The following VAV2 variants were observed in gnomAD, a reference collection of about 807,000 sequenced individuals.
VAV2 encodes vav guanine nucleotide exchange factor 2.
A neutral mutation model predicts 132.5 loss-of-function variants in VAV2; 67 were observed. The observed-to-expected ratio is 0.51, with a 90% confidence interval of 0.42 to 0.62. VAV2 has a LOEUF of 0.62. Among genes scored for constraint, VAV2 ranks in the 20% least tolerant of loss-of-function variants. The pLI is 0.00. For synonymous variants in VAV2, 492 were observed against 443.5 expected (o/e 1.11, Z -1.37); for missense variants, 938 against 1,153.6 (o/e 0.81, Z 2.71).
chr9:133,908,858 G>A (rs1839773491), intron 2 of VAV2, among the ~76,000 whole-genome samples: 2 of 152,204 alleles, frequency 1.3e-5, no homozygotes, highest in Admixed American at 6.5e-5. Flanking sequence ...TTCTGAAAAT[G>A]TGTGGGGACC....
rs79867740 is a variant in VAV2, at chr9:133,896,733, C to T, written c.322-35301G>A. 2.7e-4 allele frequency among the ~76,000 whole-genome samples: 41 copies of T among 152,146 alleles called. No homozygotes were observed. In the East Asian group the frequency reaches 3.1e-3, roughly 11 times the overall value. On this transcript the variant is annotated intron_variant, in intron 2 of 29. Transcript: ENST00000371850. ...CCAGCTGTGTCTAGAATTGTGTTTA[C>T]GAAGAAAAGTTGATATTAATATAAA...
intron 4 of VAV2, among the ~76,000 whole-genome samples, chr9:133,816,160 G>T (rs1835552261): frequency 6.6e-6 from 1 of 152,150 alleles, no homozygotes; most frequent in Non-Finnish European, 1.5e-5. Context: ...CAAGACTTTT[G>T]TCCATTTCTA....
intron 9 of VAV2, among the ~76,000 whole-genome samples, chr9:133,800,086 C>T (rs774005677): frequency 3.3e-5 from 5 of 152,328 alleles, no homozygotes; most frequent in Non-Finnish European, 5.9e-5. Context: ...CAGAGAGCCC[C>T]GTAGCTGAGA....
intron 29 of VAV2, among the ~76,000 whole-genome samples, chr9:133,766,332 AT>A (rs1465673744): frequency 6.6e-6 from 1 of 152,226 alleles, no homozygotes; most frequent in African/African-American, 2.4e-5. Flanking sequence ...ATGTATGTTT[AT>A]TGCAGCACTA....
chr9:133,842,773 C>A (rs1054418472), intron 3 of VAV2, among the ~76,000 whole-genome samples: 1 of 152,170 alleles, frequency 6.6e-6, no homozygotes, highest in Non-Finnish European at 1.5e-5. Flanking sequence ...AAGAGAACAG[C>A]GCGGGCAGAG....
intron 13 of VAV2, among the ~76,000 whole-genome samples, chr9:133,790,549 C>G (rs1233242314): frequency 1.3e-5 from 2 of 152,200 alleles, no homozygotes; most frequent in African/African-American, 4.8e-5. Flanking sequence ...GAACTTTTCT[C>G]CTCACGTCCT....
chr9:133,977,598 C>T (rs1588210540), intron 1 of VAV2, among the ~76,000 whole-genome samples: 3 of 152,278 alleles, frequency 2.0e-5, no homozygotes, highest in South Asian at 2.1e-4. Flanking sequence ...ACATGACAGG[C>T]GGTCCATCCC....
At chr9:133,978,486 G>A (rs553614287) in intron 1 of VAV2, among the ~76,000 whole-genome samples, 11 of 152,392 alleles carry the variant, frequency 7.2e-5, no homozygotes, top group African/African-American at 2.4e-4. Flanking sequence ...GGCGGGTCAC[G>A]GAAAGATACC....
Position 133,969,746 on chromosome 9 carries a change from G to GC in VAV2, c.204+22328dup, listed in dbSNP as rs1842265425. ...CCCACTCCTCCTGCGCTCCAGCGGG[G>GC]CCGTCCATCTCTCTCCATTCCCACT... On this transcript the variant is annotated intron_variant, in intron 1 of 29. Transcript: ENST00000371850. This position sits in a 1 kb window ranked among gnomAD's most constrained non-coding sequence, Gnocchi z 5.1. Among the ~76,000 whole-genome samples, 1 of 151,994 alleles carries GC rather than the reference G, an allele frequency of 6.6e-6. No individual in the cohort carries two copies. The highest frequency in any genetic ancestry group is 1.5e-5 in the Non-Finnish European group (1 of 67,978).
chr9:133,920,706 C>T (rs969059114), intron 2 of VAV2, among the ~76,000 whole-genome samples: 11 of 152,062 alleles, frequency 7.2e-5, no homozygotes, highest in Admixed American at 2.6e-4. Flanking sequence ...CGGCTCAAGG[C>T]GGGGGATGCT....
intron 2 of VAV2, among the ~76,000 whole-genome samples, chr9:133,898,296 G>A (rs1194357818): frequency 1.3e-5 from 2 of 152,142 alleles, no homozygotes; most frequent in South Asian, 2.1e-4. Context: ...TCAACAGAAA[G>A]AGACTTTTTA....
intron 1 of VAV2, among the ~76,000 whole-genome samples, chr9:133,939,670 G>A (rs748144487): frequency 7.2e-5 from 11 of 152,262 alleles, no homozygotes; most frequent in African/African-American, 2.7e-4. Context: ...GAATATGCAA[G>A]CCTTAAATCA....
At position 133,788,332 on chromosome 9, in the gene VAV2, G is replaced by C. The variant is rs1366232591; in HGVS notation, c.1407+22C>G. ...GCCACCCCCACGTTCCTGGGTAGCA[G>C]GGGGGACCCGGAAGGCCCCACCTTC... On this transcript the variant is annotated intron_variant, in intron 15 of 29. Transcript: ENST00000371850. The surrounding 1 kb of genome is among the most constrained non-coding windows in gnomAD (Gnocchi z 5.3). 6.3e-7 allele frequency: 1 copy of C among 1,584,096 alleles called. No individual in the cohort carries two copies. The highest frequency in any genetic ancestry group is 1.1e-5 in the South Asian group (1 of 90,366).
At chr9:133,914,750 GGGAGA>G (rs1388938479) in intron 2 of VAV2, among the ~76,000 whole-genome samples, 1 of 4,044 alleles carries the variant, frequency 2.5e-4, no homozygotes, top group South Asian at 0.011. Flanking sequence ...GGAAGGGGAG[GGGAGA>G]GGAGAGGAGG....
chr9:133,831,051 C>T (rs903779508), intron 4 of VAV2, among the ~76,000 whole-genome samples: 1 of 152,182 alleles, frequency 6.6e-6, no homozygotes, highest in Non-Finnish European at 1.5e-5. Context: ...GCCACAGGTT[C>T]CCCAGAGCTG....
At chr9:133,828,775 G>C (rs575178229) in intron 4 of VAV2, among the ~76,000 whole-genome samples, 1 of 152,166 alleles carries the variant, frequency 6.6e-6, no homozygotes, top group Non-Finnish European at 1.5e-5. Flanking sequence ...CTGGACTTGC[G>C]CTGGAACAAC....
chr9:133,825,289 C>T (rs890203069), intron 4 of VAV2, among the ~76,000 whole-genome samples: 5 of 152,144 alleles, frequency 3.3e-5, no homozygotes, highest in African/African-American at 1.2e-4. Flanking sequence ...CCCCTCCATC[C>T]CCACACGAGC....
At chr9:133,979,866 G>T (rs748897171) in intron 1 of VAV2, among the ~76,000 whole-genome samples, 14 of 152,202 alleles carry the variant, frequency 9.2e-5, no homozygotes, top group Admixed American at 9.2e-4. Context: ...GGAGCCTGCC[G>T]GCGTCACCTG....
At chr9:133,801,471 G>A (rs77361919) in intron 9 of VAV2, among the ~76,000 whole-genome samples, 3,723 of 152,320 alleles carry the variant, frequency 0.024, 135 homozygotes, top group African/African-American at 0.084. Flanking sequence ...CGCCTCTGCA[G>A]AGGGACACTC....
Sources: gnomAD v4.1 joint callset for allele counts (sites outside exome capture counted in the v4.1 genomes callset) on GRCh38, gnomAD v4.1.1 for gene constraint, Gnocchi (gnomAD v3.1) non-coding constraint, MANE v1.5 for transcripts, NCBI Gene and HGNC (gene_info 2026-07-23, HGNC 2026-07-21) for gene names.